The following SGK1 variants were observed in gnomAD, a reference collection of about 807,000 sequenced individuals.
SGK1 encodes the protein serum/glucocorticoid regulated kinase 1.
SGK1 carries 26 observed loss-of-function variants against 64.2 expected under a neutral mutation model. That is an observed-to-expected ratio of 0.40 (90% CI 0.30 to 0.56). The LOEUF (loss-of-function observed/expected upper bound fraction) is 0.56, where lower values mean the gene tolerates loss of function less well. Among genes scored for constraint, SGK1 ranks in the 20% least tolerant of loss-of-function variants. SGK1 has a pLI of 0.38. For synonymous variants in SGK1, 265 were observed against 239.7 expected, an observed-to-expected ratio of 1.11 and a Z score of -0.98; for missense variants, 519 against 645.6, an observed-to-expected ratio of 0.80 and a Z score of 2.12.
At chr6:134,257,792 G>C (rs567703130) in intron 2 of SGK1, among the ~76,000 whole-genome samples, 1 of 152,152 alleles carries the variant, frequency 6.6e-6, no homozygotes, top group African/African-American at 2.4e-5. Flanking sequence ...GTTTACAAAA[G>C]AGTTTTTAAA....
intron 3 of SGK1, among the ~76,000 whole-genome samples, chr6:134,202,010 C>T (rs1391779852): frequency 2.0e-5 from 3 of 152,068 alleles, no homozygotes; most frequent in African/African-American, 7.2e-5. Context: ...GAGAGATCTA[C>T]ATCTTAAAGA....
At chr6:134,225,437 C>T (rs1776160365) in intron 2 of SGK1, among the ~76,000 whole-genome samples, 1 of 151,536 alleles carries the variant, frequency 6.6e-6, no homozygotes, top group African/African-American at 2.4e-5. Context: ...TATTTGAGGG[C>T]AGGAGGGTAC....
In SGK1 at chr6:134,212,874, T is replaced by C. The variant is rs541442989; in HGVS notation, c.286-5443A>G. ...TCTGCATTAAGCTCCAGTTACCTTG[T>C]TTCCTTGAGGCTTTCGTATGAAGCA... On this transcript the variant is annotated intron_variant, in intron 2 of 13. Coordinates refer to ENST00000367858, the MANE Select transcript of SGK1 (RefSeq NM_001143676.3). Among the ~76,000 whole-genome samples, 6 of 152,348 alleles carry C rather than the reference T, an allele frequency of 3.9e-5. No homozygotes were observed. In the East Asian group the frequency reaches 1.2e-3, roughly 29 times the overall value.
intron 2 of SGK1, among the ~76,000 whole-genome samples, chr6:134,250,183 T>C (rs909707138): frequency 1.3e-5 from 2 of 152,174 alleles, no homozygotes; most frequent in Admixed American, 6.5e-5. Flanking sequence ...TATTTACAAC[T>C]CTCAAGGCCA....
At chr6:134,240,046 C>T (rs576123642) in intron 2 of SGK1, among the ~76,000 whole-genome samples, 3 of 152,200 alleles carry the variant, frequency 2.0e-5, no homozygotes, top group African/African-American at 7.2e-5. Context: ...AATCCCAGCA[C>T]GTTGGGGGGC....
At chr6:134,297,275 G>T in intron 1 of SGK1, 1 of 1,265,482 alleles carries the variant, frequency 7.9e-7, no homozygotes, top group Non-Finnish European at 1.1e-6. Context: ...CAATGTCCAG[G>T]GCCAGCTTGA....
At chr6:134,306,984 T>C (rs1777545204) in intron 1 of SGK1, among the ~76,000 whole-genome samples, 1 of 151,928 alleles carries the variant, frequency 6.6e-6, no homozygotes, top group South Asian at 2.1e-4. Context: ...GATATTAACT[T>C]TAGAAATGAA....
chr6:134,172,074 GA>G, intron 10 of SGK1, 118 bp downstream of exon 10: 1 of 1,106,706 alleles, frequency 9.0e-7, no homozygotes, highest in East Asian at 2.4e-5. Context: ...TATTTGCACT[GA>G]ACTGTATTAA....
At chr6:134,277,210 T>C (rs1203988807) in intron 1 of SGK1, among the ~76,000 whole-genome samples, 1 of 152,020 alleles carries the variant, frequency 6.6e-6, no homozygotes, top group Non-Finnish European at 1.5e-5. Flanking sequence ...TAATCCCAGC[T>C]ACTCGGGAGG....
At chr6:134,310,276 C>G (rs987646904) in intron 1 of SGK1, among the ~76,000 whole-genome samples, 1 of 152,190 alleles carries the variant, frequency 6.6e-6, no homozygotes, top group African/African-American at 2.4e-5. Flanking sequence ...CTCCCAAGCA[C>G]TGTAGCTAAG....
At chr6:134,224,482 A>G (rs931081950) in intron 2 of SGK1, among the ~76,000 whole-genome samples, 1 of 152,182 alleles carries the variant, frequency 6.6e-6, no homozygotes, top group East Asian at 1.9e-4. Flanking sequence ...GAGTGTTTCA[A>G]GAAGATCCTG....
chr6:134,259,012 A>G (rs558281658), intron 2 of SGK1, among the ~76,000 whole-genome samples: 13 of 152,230 alleles, frequency 8.5e-5, no homozygotes, highest in African/African-American at 2.9e-4. Flanking sequence ...AAAATAAAGT[A>G]TGTGTCATTT....
At chr6:134,226,208 T>C (rs1012427009) in intron 2 of SGK1, among the ~76,000 whole-genome samples, 13 of 151,940 alleles carry the variant, frequency 8.6e-5, no homozygotes, top group African/African-American at 3.1e-4. Context: ...AATGGTGCAA[T>C]AGGAAGCTCC....
chr6:134,259,536 C>G (rs1279032062), intron 2 of SGK1, among the ~76,000 whole-genome samples: 1 of 151,448 alleles, frequency 6.6e-6, no homozygotes, highest in Non-Finnish European at 1.5e-5. Context: ...CCCGGCTACT[C>G]AGGAGGCTGA....
At chr6:134,255,641 G>A (rs938237262) in intron 2 of SGK1, among the ~76,000 whole-genome samples, 6 of 144,556 alleles carry the variant, frequency 4.2e-5, no homozygotes, top group African/African-American at 1.3e-4. Flanking sequence ...GAGTACAATG[G>A]CATGATCCTG....
At chr6:134,256,969 A>G (rs1304456721) in intron 2 of SGK1, 1 of 152,280 alleles carries the variant, frequency 6.6e-6, no homozygotes, top group Non-Finnish European at 1.5e-5. Flanking sequence ...TAAACATAGC[A>G]TTTATAATGT....
intron 3 of SGK1, chr6:134,174,824 CAGAA>C (rs1468445124): frequency 6.2e-7 from 1 of 1,613,834 alleles, no homozygotes; most frequent in Non-Finnish European, 8.5e-7. Flanking sequence ...CGCGGGGAGA[CAGAA>C]AGACGTTAGC....
chr6:134,182,523 T>C (rs906395018), intron 3 of SGK1, among the ~76,000 whole-genome samples: 22 of 151,348 alleles, frequency 1.5e-4, no homozygotes, highest in African/African-American at 5.3e-4. Context: ...ATAAAGAATT[T>C]AGTAAGCGCC....
At chr6:134,258,296 G>A (rs892752943) in intron 2 of SGK1, among the ~76,000 whole-genome samples, 3 of 151,940 alleles carry the variant, frequency 2.0e-5, no homozygotes, top group Middle Eastern at 3.4e-3. Flanking sequence ...TTGTAGAGAC[G>A]AGTTGGTCTC....
Sources: allele counts gnomAD v4.1 joint callset (sites outside exome capture counted in the v4.1 genomes callset), GRCh38; gene constraint gnomAD v4.1.1; transcripts MANE v1.5; gene names NCBI Gene and HGNC (gene_info 2026-07-23, HGNC 2026-07-21).